ADGRF1: variants seen among roughly 807,000 people sequenced by gnomAD.
The protein encoded by ADGRF1 is G protein-coupled receptor 110.
A neutral mutation model predicts 87.2 loss-of-function variants in ADGRF1; 85 were observed. The ratio of observed to expected loss-of-function variants is 0.97; its 90% CI spans 0.82 to 1.17. The LOEUF (loss-of-function observed/expected upper bound fraction) is 1.17. Ranked by LOEUF, ADGRF1 falls within the 50% of genes most tolerant of loss-of-function variation. The pLI is 0.00. For missense variants in ADGRF1, 1,169 were observed against 1,077.2 expected, an observed-to-expected ratio of 1.09 and a Z score of -1.19; for synonymous variants, 430 against 408.8, an observed-to-expected ratio of 1.05 and a Z score of -0.63.
chr6:47,019,747 C>A, intron 7 of ADGRF1: 2 of 975,112 alleles, frequency 2.1e-6, no homozygotes, highest in Non-Finnish European at 2.4e-6. Flanking sequence ...TTTAAGTTAA[C>A]TGTGAAAAAA....
intron 1 of ADGRF1, among the ~76,000 whole-genome samples, chr6:47,037,214 T>G (rs1327057791): frequency 1.3e-5 from 2 of 152,218 alleles, no homozygotes; most frequent in Admixed American, 1.3e-4. Context: ...TTCCTGTGTT[T>G]GACTATCAGT....
rs963747255 is a variant in ADGRF1 at position 47,013,612 on chromosome 6, T to C, written c.927+1069A>G. On this transcript the variant is annotated intron_variant, in intron 9 of 14. Coordinates refer to ENST00000371253, the MANE Select transcript of ADGRF1 (RefSeq NM_153840.4). ...TATTTCCTTCTTTCTGTCTTACTTG[T>C]CTTAATACTTGAACCTTCCTAAGAG... 5 of 985,364 alleles carry C rather than the reference T, an allele frequency of 5.1e-6. No individual in the cohort carries two copies. The African/African-American group carries it at 8.7e-5, about 17-fold the overall frequency. The allele number at this position is 985,364 out of a possible 1,614,324, so 61.0% of individuals were successfully genotyped here.
intron 11 of ADGRF1, among the ~76,000 whole-genome samples, chr6:47,008,448 A>G (rs1013856164): frequency 1.3e-5 from 2 of 152,232 alleles, no homozygotes; most frequent in Non-Finnish European, 2.9e-5. Context: ...CAACTCTGCC[A>G]TTGCAGTGAA....
Position 47,005,836 on chromosome 6 carries a change from G to C in ADGRF1, c.2573C>G (p.Ser858Cys), listed in dbSNP as rs770719745. ...LLFNKLSALS[S>C]WKQTEKQNSS... ...AATTACCTTTTCTGTTTGCTTCCAA[G>C]AACTTAAGGCAGACAACTTGTTGAA... The change falls in exon 13 of 15, where the codon TCT becomes TGT. Residue 858 changes from serine to cysteine, a missense_variant. Ser to Cys is a moderately radical substitution (Grantham distance 112). Transcript: ENST00000371253. 22 of 1,611,136 alleles carry C rather than the reference G, an allele frequency of 1.4e-5. 2 individuals are homozygous for C. In the South Asian group the frequency reaches 2.4e-4, roughly 18 times the overall value.
At chr6:47,038,205 A>G (rs551840260) in intron 1 of ADGRF1, among the ~76,000 whole-genome samples, 4 of 152,208 alleles carry the variant, frequency 2.6e-5, no homozygotes, top group South Asian at 2.1e-4. Context: ...ATTCTTCTAC[A>G]TTTTAGTCTA....
At chr6:47,027,201 A>G (rs1313280126) in intron 3 of ADGRF1, among the ~76,000 whole-genome samples, 1 of 152,140 alleles carries the variant, frequency 6.6e-6, no homozygotes. Flanking sequence ...TTTTGATTTC[A>G]TTTTCCCAAA....
chr6:47,020,916 G>A, intron 6 of ADGRF1, 127 bp from the exon 7 acceptor site: 1 of 704,796 alleles, frequency 1.4e-6, no homozygotes, highest in Non-Finnish European at 2.5e-6. Context: ...AAGAGACACA[G>A]TGGGAAGTAA....
chr6:47,014,457 CT>C, intron 9 of ADGRF1: 1 of 1,267,448 alleles, frequency 7.9e-7, no homozygotes, highest in Non-Finnish European at 1.0e-6. Flanking sequence ...CCTGACAAAA[CT>C]ATCAACTCTG....
At chr6:47,019,849 C>T in intron 7 of ADGRF1, 1 of 984,772 alleles carries the variant, frequency 1.0e-6, no homozygotes, top group Non-Finnish European at 1.2e-6. Flanking sequence ...ACATGGCTAA[C>T]TAAACAACTT....
intron 7 of ADGRF1, chr6:47,019,275 C>A: frequency 1.0e-6 from 1 of 961,206 alleles, no homozygotes; most frequent in Non-Finnish European, 1.2e-6. Flanking sequence ...GTATAAACCT[C>A]AATATAAAAA....
chr6:47,016,606 T>C lies in ADGRF1; in HGVS notation c.763+11A>G. 1 of 1,587,108 alleles carries C rather than the reference T, an allele frequency of 6.3e-7. No individual in the cohort carries two copies. ...TCTTAACCTAAGCAGAGGATGGGAATCCAGCATTACCTTTTCCGAACACTC... is the reference window on the plus strand; with the variant it reads ...TCTTAACCTAAGCAGAGGATGGGAACCCAGCATTACCTTTTCCGAACACTC... On this transcript the variant is annotated intron_variant, in intron 8 of 14. Transcript: ENST00000371253.
At chr6:47,030,725 G>A (rs892514247) in intron 1 of ADGRF1, among the ~76,000 whole-genome samples, 1 of 151,860 alleles carries the variant, frequency 6.6e-6, no homozygotes, top group Non-Finnish European at 1.5e-5. Flanking sequence ...ACATTGCAGA[G>A]TGGGGGTTGT....
At chr6:47,012,731 T>C in intron 9 of ADGRF1, 1 of 985,526 alleles carries the variant, frequency 1.0e-6, no homozygotes, top group Non-Finnish European at 1.2e-6. Flanking sequence ...GAGATTTGAC[T>C]ACTGGGCTTG....
intron 1 of ADGRF1, among the ~76,000 whole-genome samples, chr6:47,040,505 A>T (rs1780708410): frequency 6.7e-6 from 1 of 149,116 alleles, no homozygotes; most frequent in Non-Finnish European, 1.5e-5. Context: ...AAAAACAGGC[A>T]AAATATTTTG....
rs750515366 is a variant in ADGRF1, at chr6:47,014,783, G to A, written c.825C>T (p.Cys275=). The change falls in exon 9 of 15, where the codon TGC becomes TGT. Residue 275 remains cysteine (C), a synonymous_variant. Coordinates refer to ENST00000371253, the MANE Select transcript of ADGRF1 (RefSeq NM_153840.4). ...TGATGTTTCCCCTGTAGCCACTGCTGCAGGGCAGGGTATATTCATCATCCT... is the reference window on the plus strand; with the variant it reads ...TGATGTTTCCCCTGTAGCCACTGCTACAGGGCAGGGTATATTCATCATCCT... ...GSKDDEYTLP[C]SSGYRGNITA... 1.9e-6 allele frequency: 3 copies of A among 1,613,822 alleles called. No individual in the cohort carries two copies. The highest frequency in any genetic ancestry group is 2.5e-6 in the Non-Finnish European group (3 of 1,179,888).
In ADGRF1 at chr6:47,014,732, C is replaced by A; in HGVS notation, c.876G>T (p.Trp292Cys). The change falls in exon 9 of 15, where the codon TGG becomes TGT. Residue 292 changes from tryptophan to cysteine, a missense_variant. Physicochemically the swap from Trp to Cys is radical, Grantham distance 215. Transcript: ENST00000371253. The stretch of plus-strand genomic sequence containing the variant: ...GCACACAAGTCTCCCTGATGACCTG[C>A]CACCCAGAGGACTCACACTTGGCTG... ...NITAKCESSG[W>C]QVIRETCVLS... is the part of the protein sequence containing the mutation. The A allele has an allele frequency of 1.9e-6, 3 of 1,613,872 alleles. No individual in the cohort carries two copies. The highest frequency in any genetic ancestry group is 2.5e-6 in the Non-Finnish European group (3 of 1,179,954).
intron 9 of ADGRF1, chr6:47,012,944 T>C: frequency 1.7e-6 from 1 of 602,272 alleles, no homozygotes; most frequent in Non-Finnish European, 2.1e-6. Context: ...TAATTGTTTT[T>C]GTATCCTTAG....
Position 47,000,112 on chromosome 6 carries a change from C to A in ADGRF1, c.*110G>T. 1.3e-6 allele frequency: 1 copy of A among 747,694 alleles called. No individual in the cohort carries two copies. The highest frequency in any genetic ancestry group is 2.3e-6 in the Non-Finnish European group (1 of 432,396). 46.3% of individuals were successfully genotyped at this position (747,694 alleles called of 1,614,324 possible). A position where few individuals can be genotyped will look rare whatever the true frequency, so the allele number is the denominator to read the frequency against. ...AGACATTCTTGTTTTATTCCCAGAC[C>A]CCTAAATCAGAAAACCCGATCGAAT... On this transcript the variant is annotated 3_prime_UTR_variant, in exon 15 of 15. Coordinates refer to ENST00000371253, the MANE Select transcript of ADGRF1 (RefSeq NM_153840.4).
chr6:47,028,242 G>C (rs1231937275), intron 2 of ADGRF1, among the ~76,000 whole-genome samples: 6 of 152,152 alleles, frequency 3.9e-5, no homozygotes, highest in African/African-American at 1.4e-4. Flanking sequence ...AATCATGCAG[G>C]CAAGAGACAA....
Sources: gnomAD v4.1 joint callset for allele counts (sites outside exome capture counted in the v4.1 genomes callset) on GRCh38, gnomAD v4.1.1 for gene constraint, MANE v1.5 for transcripts, NCBI Gene and HGNC (gene_info 2026-07-23, HGNC 2026-07-21) for gene names.